Variants in CLASP1 observed in about 807,000 individuals in gnomAD.
CLASP1 encodes the protein cytoplasmic linker associated protein 1.
CLASP1 carries 38 observed loss-of-function variants against 192.3 expected under a neutral mutation model. The ratio of observed to expected loss-of-function variants is 0.20; its 90% confidence interval spans 0.15 to 0.26. The LOEUF is 0.26. Ranked by LOEUF, CLASP1 falls within the 10% of genes least tolerant of loss-of-function variation. The pLI is 1.00. For synonymous variants in CLASP1, 691 were observed against 712.8 expected (o/e 0.97, Z 0.49); for missense variants, 1,433 against 1,932.5 (o/e 0.74, Z 4.85).
chr2:121,592,909 G>C (rs1261917179), intron 2 of CLASP1, among the ~76,000 whole-genome samples: 2 of 152,150 alleles, frequency 1.3e-5, no homozygotes, highest in Admixed American at 1.3e-4. Context: ...GCCTCCCAAA[G>C]TGCTGGGATT....
chr2:121,529,232 CAT>C (rs149850073), intron 3 of CLASP1, among the ~76,000 whole-genome samples: 2,113 of 152,292 alleles, frequency 0.014, 43 homozygotes, highest in African/African-American at 0.047. Flanking sequence ...CCCATACACA[CAT>C]GAGACAGAGC....
intron 25 of CLASP1, among the ~76,000 whole-genome samples, chr2:121,406,993 A>T (rs1225365572): frequency 6.6e-6 from 1 of 152,186 alleles, no homozygotes; most frequent in Non-Finnish European, 1.5e-5. Context: ...AAAGGCAGCC[A>T]GATCACGAGG....
chr2:121,441,133 T>C (rs891178136), intron 19 of CLASP1, among the ~76,000 whole-genome samples: 8 of 152,214 alleles, frequency 5.3e-5, no homozygotes, highest in Non-Finnish European at 1.0e-4. Flanking sequence ...CCTATCTTCT[T>C]GTTAGGCAAA....
At chr2:121,527,959 T>G in intron 4 of CLASP1, 69 bp from the exon 5 acceptor site, 1 of 1,291,696 alleles carries the variant, frequency 7.7e-7, no homozygotes. Context: ...AAGGGAGCAA[T>G]AGAAGGCAAG....
chr2:121,428,933 G>A (rs1399495995), intron 20 of CLASP1, among the ~76,000 whole-genome samples: 1 of 152,170 alleles, frequency 6.6e-6, no homozygotes. Flanking sequence ...GGCTCACAAA[G>A]GTTAAAAGAC....
rs762939896 is a variant in CLASP1 at position 121,450,892 on chromosome 2, T to C, written c.1523+21A>G. The C allele has an allele frequency of 1.1e-5, 16 of 1,509,502 alleles. 1 individual carries two copies. In the South Asian group the frequency reaches 1.7e-4, roughly 16 times the overall value. 93.5% of individuals were successfully genotyped at this position (1,509,502 alleles called of 1,614,324 possible). ...ATATAGAAGAAGTTAATTTAAAAAG[T>C]GGTGTACAATAAAAACTTACTTTCT... On this transcript the variant is annotated intron_variant, in intron 16 of 39. Transcript: ENST00000263710.
chr2:121,338,370 C>T (rs1361398999), exon 40 of CLASP1: 4 of 152,338 alleles, frequency 2.6e-5, no homozygotes, highest in Non-Finnish European at 4.4e-5. Flanking sequence ...GAGGCAGCAG[C>T]TTGGAGGAAG....
chr2:121,448,379 A>G, intron 17 of CLASP1, 54 bp from the exon 18 acceptor site: 1 of 1,336,730 alleles, frequency 7.5e-7, no homozygotes, highest in Non-Finnish European at 1.1e-6. Context: ...GAATTAATAC[A>G]AATACAAACT....
chr2:121,544,688 ACAC>A (rs2095296081), intron 2 of CLASP1, among the ~76,000 whole-genome samples: 1 of 152,098 alleles, frequency 6.6e-6, no homozygotes, highest in Non-Finnish European at 1.5e-5. Context: ...GAGTTACTAA[ACAC>A]ACACGTACCA....
intron 2 of CLASP1, among the ~76,000 whole-genome samples, chr2:121,534,077 T>G (rs2094971762): frequency 6.6e-6 from 1 of 152,182 alleles, no homozygotes; most frequent in African/African-American, 2.4e-5. Context: ...ACAGAAGAAC[T>G]TCCAGGTCAA....
At chr2:121,599,854 G>A (rs193136364) in intron 2 of CLASP1, among the ~76,000 whole-genome samples, 2 of 149,342 alleles carry the variant, frequency 1.3e-5, no homozygotes, top group Admixed American at 6.7e-5. Context: ...AGGAAGCAAA[G>A]GTAACGGTGA....
At chr2:121,534,164 T>C (rs752171263) in intron 2 of CLASP1, among the ~76,000 whole-genome samples, 10 of 152,298 alleles carry the variant, frequency 6.6e-5, no homozygotes, top group Non-Finnish European at 1.3e-4. Context: ...ATTTATACAC[T>C]GGGAAAGGGC....
At chr2:121,440,124 G>A (rs907077264) in intron 19 of CLASP1, among the ~76,000 whole-genome samples, 34 of 149,482 alleles carry the variant, frequency 2.3e-4, no homozygotes, top group African/African-American at 7.7e-4. Context: ...CTAAGCCCTC[G>A]GGGACAGCCT....
chr2:121,389,958 C>T (rs555842642), intron 30 of CLASP1, among the ~76,000 whole-genome samples: 3 of 152,238 alleles, frequency 2.0e-5, no homozygotes, highest in East Asian at 3.9e-4. Context: ...ACTGCAGCCT[C>T]GAACTCCTGT....
At chr2:121,615,056 G>A (rs999019855) in intron 1 of CLASP1, among the ~76,000 whole-genome samples, 3 of 152,178 alleles carry the variant, frequency 2.0e-5, no homozygotes, top group African/African-American at 7.2e-5. Flanking sequence ...AATAGTTATG[G>A]TGGCCAGGCC....
intron 2 of CLASP1, among the ~76,000 whole-genome samples, chr2:121,570,689 A>T (rs1465775716): frequency 1.3e-5 from 2 of 152,234 alleles, no homozygotes; most frequent in Non-Finnish European, 2.9e-5. Context: ...CTTCACTGGG[A>T]CCCTGTATGA....
chr2:121,567,087 A>T (rs2059575282), intron 2 of CLASP1, among the ~76,000 whole-genome samples: 1 of 152,238 alleles, frequency 6.6e-6, no homozygotes, highest in South Asian at 2.1e-4. Context: ...GGGAATTACA[A>T]CAGCAACTAA....
chr2:121,441,583 C>T (rs1057462121), intron 19 of CLASP1, among the ~76,000 whole-genome samples: 2 of 151,878 alleles, frequency 1.3e-5, no homozygotes, highest in African/African-American at 4.8e-5. Flanking sequence ...AAAAATTAGC[C>T]AGGCAGGCGT....
At chr2:121,383,157 C>A (rs1440264380) in intron 32 of CLASP1, among the ~76,000 whole-genome samples, 1 of 152,172 alleles carries the variant, frequency 6.6e-6, no homozygotes, top group Admixed American at 6.5e-5. Context: ...GGGGAGCTGG[C>A]TGGCTGGTGA....
Sources: gnomAD v4.1 joint callset for allele counts (sites outside exome capture counted in the v4.1 genomes callset) on GRCh38, gnomAD v4.1.1 for gene constraint, MANE v1.5 for transcripts, NCBI Gene and HGNC (gene_info 2026-07-23, HGNC 2026-07-21) for gene names.